BYSL: variants seen among roughly 807,000 people sequenced by gnomAD.
BYSL encodes the protein bystin like.
Under a neutral mutation model 45.4 loss-of-function variants are expected in BYSL, and 21 were observed. That is an observed-to-expected ratio of 0.46 (90% CI 0.33 to 0.67). The LOEUF (loss-of-function observed/expected upper bound fraction) is 0.67, where lower values mean the gene tolerates loss of function less well. BYSL is among the 30% of genes least tolerant of loss of function. The pLI, the probability that BYSL is intolerant of heterozygous loss-of-function variation, is 0.02. For missense variants in BYSL, 522 were observed against 578.5 expected, an observed-to-expected ratio of 0.90 and a Z score of 1.00; for synonymous variants, 215 against 231.3, an observed-to-expected ratio of 0.93 and a Z score of 0.64.
chr6:41,925,932 C>T (rs1775558325), intron 1 of BYSL, among the ~76,000 whole-genome samples: 1 of 152,152 alleles, frequency 6.6e-6, no homozygotes, highest in Non-Finnish European at 1.5e-5. Flanking sequence ...GATCCACCCG[C>T]CTTGGTCTCC....
At chr6:41,922,080 T>C (rs908825434) in intron 1 of BYSL, among the ~76,000 whole-genome samples, 4 of 152,134 alleles carry the variant, frequency 2.6e-5, no homozygotes, top group African/African-American at 7.2e-5. Flanking sequence ...CATGTATCCA[T>C]TGGTTTTGTA....
rs750910730 is a variant in BYSL, at chr6:41,930,184, G to A, written c.484G>A (p.Val162Ile). The change falls in exon 3 of 7, where the codon GTT becomes ATT. Residue 162 changes from valine (V) to isoleucine (I), a missense_variant. Val to Ile is a conservative substitution (Grantham distance 29). Transcript: ENST00000230340. ...MEKLTEKQTE[V>I]ETVMSEVSGF... ...GAAGCTGACTGAGAAGCAGACAGAG[G>A]TTGAGACAGTCATGTCAGAGGTGTC... 33 of 1,614,174 alleles carry A rather than the reference G, an allele frequency of 2.0e-5. No individual in the cohort carries two copies. The highest frequency in any genetic ancestry group is 2.8e-5 in the Non-Finnish European group (33 of 1,180,034).
chr6:41,909,180 A>G, the BYSL span: 1 of 1,512,786 alleles, frequency 6.6e-7, no homozygotes, highest in Non-Finnish European at 8.8e-7. Context: ...TCTCAAAAAA[A>G]AAAAAAGAGA....
intron 4 of BYSL, 75 bp from the exon 5 acceptor site, chr6:41,931,321 T>C: frequency 6.5e-7 from 1 of 1,543,780 alleles, no homozygotes; most frequent in Non-Finnish European, 8.9e-7. Context: ...GTATGCACTA[T>C]CCATGGTGAT....
the BYSL span, among the ~76,000 whole-genome samples, chr6:41,916,248 C>G: frequency 2.1e-5 from 3 of 143,990 alleles, no homozygotes; most frequent in African/African-American, 8.3e-5. Context: ...AAAACCCTAT[C>G]TCAAAAAAAT....
chr6:41,926,136 T>C (rs1775560598), intron 1 of BYSL, among the ~76,000 whole-genome samples: 1 of 152,234 alleles, frequency 6.6e-6, no homozygotes, highest in East Asian at 1.9e-4. Context: ...TTATTTTCTC[T>C]GCGTCTGGAA....
the BYSL span, among the ~76,000 whole-genome samples, chr6:41,916,425 C>A: frequency 3.4e-4 from 52 of 151,908 alleles, no homozygotes; most frequent in Admixed American, 3.0e-3. Context: ...ACCAAAAATA[C>A]AAAATTAGCC....
chr6:41,927,773 G>A (rs1775584190), intron 2 of BYSL: 1 of 460,838 alleles, frequency 2.2e-6, no homozygotes, highest in African/African-American at 2.0e-5. Context: ...AGTTGCCAGG[G>A]AAACAGTTCC....
chr6:41,921,312 G>A, upstream of BYSL: 1 of 598,614 alleles, frequency 1.7e-6, no homozygotes, highest in Non-Finnish European at 2.9e-6. Context: ...CTAGGAGAGC[G>A]ACACTCAAAG....
chr6:41,909,187 GAGA>G, the BYSL span: 2 of 1,383,442 alleles, frequency 1.4e-6, no homozygotes, highest in Non-Finnish European at 1.9e-6. Context: ...AAAAAAAAAA[GAGA>G]AGAACTGGAA....
chr6:41,909,122 C>T, the BYSL span: 1 of 1,103,460 alleles, frequency 9.1e-7, no homozygotes, highest in Non-Finnish European at 1.3e-6. Flanking sequence ...TACAGTGTGC[C>T]AAGATTGTGC....
At chr6:41,916,607 G>A (rs906637998), upstream of BYSL, among the ~76,000 whole-genome samples, 1 of 151,398 alleles carries the variant, frequency 6.6e-6, no homozygotes, top group South Asian at 2.1e-4. Context: ...ATAAAATAAA[G>A]CTTTCAAAGG....
upstream of BYSL, chr6:41,920,975 C>T (rs771004910): frequency 6.2e-7 from 1 of 1,606,666 alleles, no homozygotes; most frequent in Admixed American, 1.7e-5. Context: ...AACTCCAAGC[C>T]CCGCCCCACA....
Position 41,921,841 on chromosome 6 carries a change from G to A in BYSL, c.268+11G>A. The stretch of plus-strand genomic sequence containing the variant: ...GCACCACGCGGCTGGGTGAGTGTCT[G>A]GGATGAGGTCCGAGGAAGACAGTGG... On this transcript the variant is annotated intron_variant, in intron 1 of 6. Coordinates refer to ENST00000230340, the MANE Select transcript of BYSL (RefSeq NM_004053.4). The A allele has an allele frequency of 3.7e-6, 6 of 1,608,284 alleles. No homozygotes were observed. The highest frequency in any genetic ancestry group is 5.1e-6 in the Non-Finnish European group (6 of 1,177,696).
rs1488616545 is a variant in BYSL at position 41,932,727 on chromosome 6, G to A, written c.*21G>A. The A allele has an allele frequency of 6.3e-7, 1 of 1,586,676 alleles. No homozygotes were observed. Among genetic ancestry groups the A allele is most frequent in the Admixed American group, 1.7e-5 (1 of 58,114 alleles). The stretch of plus-strand genomic sequence containing the variant: ...AGTGAGGAAAACAGTCAGCTGTCCT[G>A]GCCAAAGGGGTTTGGAAGGACACCA... On this transcript the variant is annotated 3_prime_UTR_variant, in exon 7 of 7. Transcript: ENST00000230340. The surrounding 1 kb of genome is among the most constrained non-coding windows in gnomAD (Gnocchi z 4.7).
upstream of BYSL, chr6:41,921,276 A>G: frequency 1.6e-6 from 1 of 617,216 alleles, no homozygotes; most frequent in Non-Finnish European, 2.8e-6. Flanking sequence ...CGTTTGGCTG[A>G]GCACTCTAGG....
At chr6:41,909,215 T>G in the BYSL span, 1 of 1,565,418 alleles carries the variant, frequency 6.4e-7, no homozygotes, top group Non-Finnish European at 8.6e-7. Flanking sequence ...TTCAGAGCCC[T>G]TTGCTAAGCA....
upstream of BYSL, chr6:41,921,483 T>C (rs981875245): frequency 6.7e-5 from 100 of 1,481,486 alleles, no homozygotes; most frequent in Non-Finnish European, 8.8e-5. Context: ...TCTTGGGCGC[T>C]GGGAGTCCAC....
chr6:41,924,880 T>C (rs1400453872), intron 1 of BYSL, among the ~76,000 whole-genome samples: 1 of 152,164 alleles, frequency 6.6e-6, no homozygotes, highest in African/African-American at 2.4e-5. Context: ...CTGTGAAGCA[T>C]GTGAGAGACA....
Sources: gnomAD v4.1 joint callset for allele counts (sites outside exome capture counted in the v4.1 genomes callset) on GRCh38, gnomAD v4.1.1 for gene constraint, Gnocchi (gnomAD v3.1) non-coding constraint, MANE v1.5 for transcripts, NCBI Gene and HGNC (gene_info 2026-07-23, HGNC 2026-07-21) for gene names.